Variants in RNF217 observed in about 807,000 individuals in gnomAD.
The protein encoded by RNF217 is ring finger protein 217.
RNF217 carries 31 observed loss-of-function variants against 57.8 expected under a neutral mutation model. That is an observed-to-expected ratio of 0.54 (90% CI 0.40 to 0.72). RNF217 has a LOEUF of 0.72. RNF217 is among the 30% of genes least tolerant of loss of function. RNF217 has a pLI of 0.00. For missense variants in RNF217, 696 were observed against 708.3 expected (o/e 0.98, Z 0.20); for synonymous variants, 313 against 294.0 (o/e 1.06, Z -0.66).
intron 1 of RNF217, among the ~76,000 whole-genome samples, chr6:124,967,766 G>A (rs1190925010): frequency 6.6e-6 from 1 of 152,012 alleles, no homozygotes; most frequent in Non-Finnish European, 1.5e-5. Context: ...ATGGGTAAAA[G>A]TGTAACATAA....
chr6:124,978,660 C>T (rs927954190), intron 1 of RNF217, among the ~76,000 whole-genome samples: 4 of 152,096 alleles, frequency 2.6e-5, no homozygotes, highest in African/African-American at 9.7e-5. Context: ...TCGTCGCCCA[C>T]AGCTCAGTGG....
At chr6:125,073,048 C>T (rs1352230959) in intron 3 of RNF217, among the ~76,000 whole-genome samples, 6 of 152,190 alleles carry the variant, frequency 3.9e-5, no homozygotes, top group South Asian at 4.1e-4. Flanking sequence ...AGATCACCCA[C>T]GACACTGCTA....
At chr6:125,044,262 CT>C (rs1180893405) in intron 1 of RNF217, among the ~76,000 whole-genome samples, 1 of 151,924 alleles carries the variant, frequency 6.6e-6, no homozygotes, top group East Asian at 1.9e-4. Flanking sequence ...CCTCCCTGTA[CT>C]ACATTAGGAT....
chr6:124,977,109 A>C (rs956292256), intron 1 of RNF217, among the ~76,000 whole-genome samples: 1 of 152,204 alleles, frequency 6.6e-6, no homozygotes, highest in Non-Finnish European at 1.5e-5. Context: ...TCCTACTTAA[A>C]AATCATCCAA....
intron 1 of RNF217, among the ~76,000 whole-genome samples, chr6:125,022,636 C>A (rs1337489767): frequency 6.6e-6 from 1 of 152,194 alleles, no homozygotes; most frequent in Non-Finnish European, 1.5e-5. Flanking sequence ...ACATTTTTAT[C>A]TTCTTATAAA....
At position 125,086,804 on chromosome 6, in the gene RNF217, T is replaced by G. The variant is rs1253921972; in HGVS notation, c.*3867T>G. ...CAACATGATATCTTTAATTGTACTT[T>G]CTCTGCTGTGGTATCAAGATTCAGT... On this transcript the variant is annotated 3_prime_UTR_variant, in exon 6 of 6. Coordinates refer to ENST00000521654, the MANE Select transcript of RNF217 (RefSeq NM_001286398.3). 1.3e-5 allele frequency: 2 copies of G among 152,046 alleles called. No homozygotes were observed. Among genetic ancestry groups the G allele is most frequent in the Non-Finnish European group, 2.9e-5 (2 of 67,982 alleles). The allele number at this position is 152,046 out of a possible 1,614,324, so 9.4% of individuals were successfully genotyped here.
intron 1 of RNF217, among the ~76,000 whole-genome samples, chr6:124,983,675 T>A (rs1051828024): frequency 2.0e-5 from 3 of 152,182 alleles, no homozygotes; most frequent in Non-Finnish European, 2.9e-5. Flanking sequence ...TGGCTATATT[T>A]CAAATGCAGT....
intron 1 of RNF217, among the ~76,000 whole-genome samples, chr6:125,017,394 T>C (rs1785653252): frequency 6.6e-6 from 1 of 152,192 alleles, no homozygotes; most frequent in South Asian, 2.1e-4. Flanking sequence ...ATTAGCTCTT[T>C]GATGAACTGG....
intron 1 of RNF217, among the ~76,000 whole-genome samples, chr6:124,992,044 C>T (rs1275826699): frequency 6.6e-6 from 1 of 152,032 alleles, no homozygotes; most frequent in African/African-American, 2.4e-5. Context: ...ATATAAATGC[C>T]CTGGGGATCT....
chr6:124,996,719 A>G (rs1328544880), intron 1 of RNF217: 1 of 152,232 alleles, frequency 6.6e-6, no homozygotes, highest in African/African-American at 2.4e-5. Flanking sequence ...AATGATTACA[A>G]TGAGACTATA....
intron 3 of RNF217, among the ~76,000 whole-genome samples, chr6:125,063,950 T>C (rs555113374): frequency 1.2e-3 from 184 of 152,332 alleles, no homozygotes; most frequent in African/African-American, 4.2e-3. Context: ...TGGGCAAGAA[T>C]GTATTGATTC....
chr6:124,987,119 T>G (rs1225841434), intron 1 of RNF217, among the ~76,000 whole-genome samples: 1 of 152,204 alleles, frequency 6.6e-6, no homozygotes, highest in Non-Finnish European at 1.5e-5. Context: ...CTCTTGATAT[T>G]TGCCTTTTAG....
intron 1 of RNF217, among the ~76,000 whole-genome samples, chr6:124,988,877 T>G (rs1298361686): frequency 1.3e-5 from 2 of 152,250 alleles, no homozygotes; most frequent in Non-Finnish European, 2.9e-5. Context: ...CGTATCTGTA[T>G]GTCAGTTGAC....
intron 1 of RNF217, among the ~76,000 whole-genome samples, chr6:124,966,194 G>T (rs56048457): frequency 0.28 from 42,694 of 152,072 alleles, 7,286 homozygotes; most frequent in South Asian, 0.48. Flanking sequence ...TTTTTTAGTT[G>T]GTTAAAAATA....
intron 3 of RNF217, among the ~76,000 whole-genome samples, chr6:125,064,657 G>A (rs915372038): frequency 1.3e-5 from 2 of 152,040 alleles, no homozygotes; most frequent in Admixed American, 6.6e-5. Context: ...ATTTGTGCAT[G>A]CATTTAGATT....
At chr6:125,038,256 G>A (rs186558990) in intron 1 of RNF217, among the ~76,000 whole-genome samples, 80 of 152,216 alleles carry the variant, frequency 5.3e-4, no homozygotes, top group African/African-American at 1.7e-3. Context: ...ACACGGAGCA[G>A]CAAAATATCT....
chr6:125,035,433 T>A (rs1346635566), intron 1 of RNF217, among the ~76,000 whole-genome samples: 2 of 152,198 alleles, frequency 1.3e-5, no homozygotes, highest in African/African-American at 4.8e-5. Context: ...CAACCCAGAA[T>A]TTCATATCCA....
At chr6:124,965,218 T>G (rs1005472864) in intron 1 of RNF217, among the ~76,000 whole-genome samples, 3 of 152,210 alleles carry the variant, frequency 2.0e-5, no homozygotes, top group African/African-American at 7.2e-5. Flanking sequence ...GCAGCATTTC[T>G]GATTGTATGT....
Position 125,045,192 on chromosome 6 carries a change from C to A in RNF217, c.883-19C>A. The A allele has an allele frequency of 6.5e-7, 1 of 1,533,054 alleles. No individual in the cohort carries two copies. Among genetic ancestry groups the A allele is most frequent in the Non-Finnish European group, 8.9e-7 (1 of 1,122,666 alleles). 95.0% of individuals were successfully genotyped at this position (1,533,054 alleles called of 1,614,324 possible). The stretch of plus-strand genomic sequence containing the variant: ...ACCAGTGACGTTTTTTTCCTTCCAT[C>A]TGCTCTTCCATCATGCAGGTACAAC... On this transcript the variant is annotated intron_variant, in intron 1 of 5. Coordinates refer to ENST00000521654, the MANE Select transcript of RNF217 (RefSeq NM_001286398.3).
Sources: allele counts gnomAD v4.1 joint callset (sites outside exome capture counted in the v4.1 genomes callset), GRCh38; gene constraint gnomAD v4.1.1; transcripts MANE v1.5; gene names NCBI Gene and HGNC (gene_info 2026-07-23, HGNC 2026-07-21).